MFHAS1: variants seen among roughly 807,000 people sequenced by gnomAD.
MFHAS1 encodes malignant fibrous histiocytoma-amplified sequence 1.
A neutral mutation model predicts 70.4 loss-of-function variants in MFHAS1; 50 were observed. The ratio of observed to expected loss-of-function variants is 0.71; its 90% CI spans 0.57 to 0.90. The LOEUF (loss-of-function observed/expected upper bound fraction) is 0.90, where lower values mean the gene tolerates loss of function less well. Ranked by LOEUF, MFHAS1 falls within the 40% of genes least tolerant of loss-of-function variation. The pLI, the probability that MFHAS1 is intolerant of heterozygous loss-of-function variation, is 0.00. For synonymous variants in MFHAS1, 952 were observed against 620.0 expected (o/e 1.54, Z -7.96); for missense variants, 1,795 against 1,347.6 (o/e 1.33, Z -5.20).
At chr8:8,839,222 AACTG>A (rs967822565) in intron 1 of MFHAS1, among the ~76,000 whole-genome samples, 1 of 152,184 alleles carries the variant, frequency 6.6e-6, no homozygotes, top group African/African-American at 2.4e-5. Flanking sequence ...TTGCTGCAAA[AACTG>A]ACTGAGAAAG....
chr8:8,839,769 C>T (rs748459274), intron 1 of MFHAS1, among the ~76,000 whole-genome samples: 12 of 152,108 alleles, frequency 7.9e-5, no homozygotes, highest in Non-Finnish European at 1.8e-4. Context: ...CCTTGTAACA[C>T]GAGCCCAAAG....
chr8:8,820,064 C>T (rs1205080234), intron 1 of MFHAS1, among the ~76,000 whole-genome samples: 4 of 152,090 alleles, frequency 2.6e-5, no homozygotes, highest in Admixed American at 2.6e-4. Context: ...AGTTTTTGTT[C>T]TGATTTTTCC....
chr8:8,874,498 T>C (rs1809215732), intron 1 of MFHAS1, among the ~76,000 whole-genome samples: 1 of 152,164 alleles, frequency 6.6e-6, no homozygotes, highest in African/African-American at 2.4e-5. Context: ...TGTTAAAATA[T>C]ATGCAAATAC....
chr8:8,833,269 C>T (rs567409932), intron 1 of MFHAS1, among the ~76,000 whole-genome samples: 1 of 152,240 alleles, frequency 6.6e-6, no homozygotes, highest in African/African-American at 2.4e-5. Context: ...TGTGTGGGGA[C>T]ATAGATCCAA....
chr8:8,867,758 C>A (rs138361066), intron 1 of MFHAS1, among the ~76,000 whole-genome samples: 1 of 151,934 alleles, frequency 6.6e-6, no homozygotes, highest in Admixed American at 6.6e-5. Context: ...GGGGTTTCAC[C>A]GTGTTAGGCA....
At chr8:8,854,152 T>C (rs1257536111) in intron 1 of MFHAS1, among the ~76,000 whole-genome samples, 1 of 152,092 alleles carries the variant, frequency 6.6e-6, no homozygotes. Flanking sequence ...ATCCCAGCAC[T>C]CTAGGAGGCC....
intron 2 of MFHAS1, among the ~76,000 whole-genome samples, chr8:8,786,784 C>T (rs1372509643): frequency 6.6e-6 from 1 of 151,704 alleles, no homozygotes; most frequent in East Asian, 1.9e-4. Flanking sequence ...TCGTTTCCTC[C>T]AATCCCCCAT....
chr8:8,879,676 G>T (rs1809436155), intron 1 of MFHAS1, among the ~76,000 whole-genome samples: 1 of 152,114 alleles, frequency 6.6e-6, no homozygotes, highest in Admixed American at 6.6e-5. Flanking sequence ...ATATGCAAAT[G>T]ATTTTCTCCA....
intron 2 of MFHAS1, among the ~76,000 whole-genome samples, chr8:8,793,542 G>C (rs1174405940): frequency 6.6e-6 from 1 of 152,198 alleles, no homozygotes; most frequent in Non-Finnish European, 1.5e-5. Context: ...GCTTTCTCTA[G>C]GGCACCCATC....
At chr8:8,860,339 A>G (rs1420602099) in intron 1 of MFHAS1, among the ~76,000 whole-genome samples, 1 of 152,244 alleles carries the variant, frequency 6.6e-6, no homozygotes, top group African/African-American at 2.4e-5. Context: ...TCCATGTAAA[A>G]ATAACAACAA....
intron 1 of MFHAS1, among the ~76,000 whole-genome samples, chr8:8,883,339 C>CAA: frequency 6.6e-6 from 1 of 152,046 alleles, no homozygotes; most frequent in East Asian, 1.9e-4. Context: ...CGCTGGTTTT[C>CAA]AAAACAAAAC....
chr8:8,856,899 C>A (rs61033241), intron 1 of MFHAS1, among the ~76,000 whole-genome samples: 13 of 134,518 alleles, frequency 9.7e-5, no homozygotes, highest in Non-Finnish European at 1.9e-4. Context: ...CACTAGGATT[C>A]TCTAGATCAG....
At chr8:8,795,782 C>G (rs1356312616) in intron 2 of MFHAS1, among the ~76,000 whole-genome samples, 1 of 152,196 alleles carries the variant, frequency 6.6e-6, no homozygotes, top group Non-Finnish European at 1.5e-5. Flanking sequence ...TGGAATGCAG[C>G]CGGACAGCAA....
intron 1 of MFHAS1, among the ~76,000 whole-genome samples, chr8:8,818,820 C>G (rs974249559): frequency 2.6e-5 from 4 of 152,176 alleles, no homozygotes; most frequent in African/African-American, 9.7e-5. Context: ...AAGTCCCTGT[C>G]GCTATCATTA....
intron 1 of MFHAS1, among the ~76,000 whole-genome samples, chr8:8,849,321 C>T (rs1808154633): frequency 6.6e-6 from 1 of 151,742 alleles, no homozygotes; most frequent in Non-Finnish European, 1.5e-5. Flanking sequence ...CCTCAAGTGG[C>T]CTGCCTGCCT....
intron 1 of MFHAS1, among the ~76,000 whole-genome samples, chr8:8,819,442 A>G (rs1370740619): frequency 6.6e-6 from 1 of 151,950 alleles, no homozygotes; most frequent in Non-Finnish European, 1.5e-5. Context: ...CATCTCTACT[A>G]AAAACACAAA....
intron 1 of MFHAS1, among the ~76,000 whole-genome samples, chr8:8,865,385 A>C (rs1323553878): frequency 6.6e-6 from 1 of 152,136 alleles, no homozygotes; most frequent in Non-Finnish European, 1.5e-5. Context: ...AACAAAACTC[A>C]AAAGGCAAAA....
At chr8:8,885,352 C>G (rs370613831) in intron 1 of MFHAS1, among the ~76,000 whole-genome samples, 1 of 152,144 alleles carries the variant, frequency 6.6e-6, no homozygotes, top group Non-Finnish European at 1.5e-5. Flanking sequence ...TAGTGAAAAT[C>G]TGCAGTCAAT....
intron 1 of MFHAS1, among the ~76,000 whole-genome samples, chr8:8,833,667 C>G (rs1242192857): frequency 6.6e-6 from 1 of 151,998 alleles, no homozygotes; most frequent in Non-Finnish European, 1.5e-5. Context: ...AAACAAAAAG[C>G]TAGACATGCA....
Sources: gnomAD v4.1 joint callset for allele counts (sites outside exome capture counted in the v4.1 genomes callset) on GRCh38, gnomAD v4.1.1 for gene constraint, MANE v1.5 for transcripts, NCBI Gene and HGNC (gene_info 2026-07-23, HGNC 2026-07-21) for gene names.